Variants in THSD7A observed in about 807,000 individuals in gnomAD.
The protein encoded by THSD7A is thrombospondin type 1 domain containing 7A, also known as thrombospondin type-1 domain-containing protein 7A.
THSD7A carries 96 observed loss-of-function variants against 231.3 expected under a neutral mutation model. The observed-to-expected ratio is 0.41, with a 90% CI of 0.35 to 0.49. THSD7A has a LOEUF of 0.49. Among genes scored for constraint, THSD7A ranks in the 20% least tolerant of loss-of-function variants. THSD7A has a pLI of 0.05. For synonymous variants in THSD7A, 940 were observed against 743.3 expected (o/e 1.26, Z -4.30); for missense variants, 2,290 against 2,070.2 (o/e 1.11, Z -2.06).
intron 1 of THSD7A, among the ~76,000 whole-genome samples, chr7:11,685,563 C>T (rs1439974566): frequency 6.6e-6 from 1 of 151,690 alleles, no homozygotes; most frequent in African/African-American, 2.4e-5. Flanking sequence ...AGGCAAAAGC[C>T]ATAAATGGAC....
chr7:11,639,673 A>AT (rs1033088039), intron 1 of THSD7A, among the ~76,000 whole-genome samples: 5 of 152,038 alleles, frequency 3.3e-5, no homozygotes, highest in Admixed American at 1.3e-4. Context: ...GTCTCAAAAA[A>AT]AATAATAATA....
intron 2 of THSD7A, among the ~76,000 whole-genome samples, chr7:11,606,667 T>C (rs1246531163): frequency 1.3e-5 from 2 of 152,146 alleles, no homozygotes; most frequent in African/African-American, 2.4e-5. Context: ...TAATACTTTT[T>C]TATATTAATG....
At chr7:11,687,733 T>C (rs1780102690) in intron 1 of THSD7A, among the ~76,000 whole-genome samples, 1 of 151,906 alleles carries the variant, frequency 6.6e-6, no homozygotes, top group South Asian at 2.1e-4. Context: ...TATCCTATAG[T>C]TGGTCATGCA....
At chr7:11,826,667 C>A (rs2128188521) in intron 1 of THSD7A, among the ~76,000 whole-genome samples, 1 of 152,188 alleles carries the variant, frequency 6.6e-6, no homozygotes, top group Middle Eastern at 3.4e-3. Context: ...CAAAAATTAG[C>A]CGGGTATGGT....
At chr7:11,648,848 T>C (rs1218776558) in intron 1 of THSD7A, among the ~76,000 whole-genome samples, 1 of 152,000 alleles carries the variant, frequency 6.6e-6, no homozygotes, top group Non-Finnish European at 1.5e-5. Context: ...TGGGCCACTA[T>C]GATCTCAGTG....
intron 1 of THSD7A, chr7:11,821,264 A>C (rs1426048136): frequency 9.2e-7 from 1 of 1,086,630 alleles, no homozygotes; most frequent in Non-Finnish European, 1.4e-6. Flanking sequence ...GACTGAGCTG[A>C]CTGTATGTGC....
chr7:11,378,454 T>C (rs6962687), intron 26 of THSD7A, among the ~76,000 whole-genome samples: 45,689 of 152,182 alleles, frequency 0.3, 7,290 homozygotes, highest in Non-Finnish European at 0.36. Context: ...TTGCATTTAT[T>C]ACCAGATACA....
rs769307589 is a variant in THSD7A, at chr7:11,811,226, G to C, written c.190+20531C>G. Among the ~76,000 whole-genome samples the C allele has an allele frequency of 2.4e-4, 36 of 151,318 alleles. 1 individual carries two copies. On this transcript the variant is annotated intron_variant, in intron 1 of 27. Coordinates refer to ENST00000423059, the MANE Select transcript of THSD7A (RefSeq NM_015204.3). ...GCACATTAACCGACAGAATTATCAAGCACACACACACACACGAAACAATGC... is the reference window on the plus strand; with the variant it reads ...GCACATTAACCGACAGAATTATCAACCACACACACACACACGAAACAATGC...
At chr7:11,666,515 T>G (rs2128375751) in intron 1 of THSD7A, among the ~76,000 whole-genome samples, 1 of 152,160 alleles carries the variant, frequency 6.6e-6, no homozygotes, top group East Asian at 1.9e-4. Context: ...TGTTGTTAAC[T>G]TATGCTTGTT....
chr7:11,687,354 T>C (rs79549805), intron 1 of THSD7A, among the ~76,000 whole-genome samples: 2,971 of 152,082 alleles, frequency 0.02, 79 homozygotes, highest in African/African-American at 0.067. Context: ...GACTGTCCTA[T>C]GATAGAGATA....
chr7:11,558,194 C>G (rs1187659375), intron 4 of THSD7A, among the ~76,000 whole-genome samples: 1 of 152,056 alleles, frequency 6.6e-6, no homozygotes, highest in Non-Finnish European at 1.5e-5. Flanking sequence ...ACATATCTAG[C>G]TTATCTGCCT....
At chr7:11,500,732 C>G (rs1322933616) in intron 6 of THSD7A, among the ~76,000 whole-genome samples, 1 of 151,888 alleles carries the variant, frequency 6.6e-6, no homozygotes, top group African/African-American at 2.4e-5. Context: ...GAGGTAGGTT[C>G]AAGATCAGCC....
intron 1 of THSD7A, among the ~76,000 whole-genome samples, chr7:11,773,904 G>C (rs1783317688): frequency 6.6e-6 from 1 of 152,046 alleles, no homozygotes; most frequent in African/African-American, 2.4e-5. Flanking sequence ...TGAACAAATG[G>C]CATGAAGAGA....
rs1336776211 is a variant in THSD7A at position 11,634,796 on chromosome 7, A to T, written c.1022+1334T>A. Reference sequence around the variant, plus strand: ...AGTAGCAAAAATTCCAAAAAACAGTAACCAGAACTCTATGATGAGAGAAAG... The same window carrying T: ...AGTAGCAAAAATTCCAAAAAACAGTTACCAGAACTCTATGATGAGAGAAAG... On this transcript the variant is annotated intron_variant, in intron 2 of 27. Coordinates refer to ENST00000423059, the MANE Select transcript of THSD7A (RefSeq NM_015204.3). The surrounding 1 kb of genome is among the most constrained non-coding windows in gnomAD (Gnocchi z 4.1). Among the ~76,000 whole-genome samples the T allele has an allele frequency of 6.6e-6, 1 of 152,158 alleles. No homozygotes were observed. The highest frequency in any genetic ancestry group is 1.5e-5 in the Non-Finnish European group (1 of 68,022).
rs1780089838 is a variant in THSD7A at position 11,590,043 on chromosome 7, T to G, written c.1453+417A>C. Among the ~76,000 whole-genome samples, 1 of 152,234 alleles carries G rather than the reference T, an allele frequency of 6.6e-6. No individual in the cohort carries two copies. Among genetic ancestry groups the G allele is most frequent in the South Asian group, 2.1e-4 (1 of 4,834 alleles). On this transcript the variant is annotated intron_variant, in intron 4 of 27. Coordinates refer to ENST00000423059, the MANE Select transcript of THSD7A (RefSeq NM_015204.3). The surrounding 1 kb of genome is among the most constrained non-coding windows in gnomAD (Gnocchi z 4.4). ...ATTTTATTCAATATCATAATTAACT[T>G]ATTTTTAACCACATTTTATCCAAAT...
intron 1 of THSD7A, among the ~76,000 whole-genome samples, chr7:11,784,189 T>C (rs1345105796): frequency 6.6e-6 from 1 of 151,928 alleles, no homozygotes; most frequent in East Asian, 1.9e-4. Flanking sequence ...TGTATGTTTA[T>C]GCATATATAT....
chr7:11,414,085 C>G (rs1017710800), intron 17 of THSD7A: 1 of 152,232 alleles, frequency 6.6e-6, no homozygotes, highest in Non-Finnish European at 1.5e-5. Flanking sequence ...CTGCAATACC[C>G]TGGTCTTTAT....
chr7:11,641,777 TAAAA>T (rs1289276577), intron 1 of THSD7A, among the ~76,000 whole-genome samples: 1 of 141,166 alleles, frequency 7.1e-6, no homozygotes, highest in Non-Finnish European at 1.6e-5. Flanking sequence ...TATAATATAA[TAAAA>T]TAAATAAACC....
In THSD7A at chr7:11,447,225, C is replaced by G. The variant is rs780391722; in HGVS notation, c.2800+5G>C. ...TACTGGCTTTGGCATCCCAATTATT[C>G]TTACCAACAAGAGTGCGCTTTCTGG... On this transcript the variant is annotated splice_donor_5th_base_variant and intron_variant, in intron 12 of 27. Coordinates refer to ENST00000423059, the MANE Select transcript of THSD7A (RefSeq NM_015204.3). 3.3e-5 allele frequency: 54 copies of G among 1,612,604 alleles called. No homozygotes were observed. The highest frequency in any genetic ancestry group is 4.2e-5 in the Non-Finnish European group (49 of 1,179,246).
Sources: gnomAD v4.1 joint callset for allele counts (sites outside exome capture counted in the v4.1 genomes callset) on GRCh38, gnomAD v4.1.1 for gene constraint, Gnocchi (gnomAD v3.1) non-coding constraint, MANE v1.5 for transcripts, NCBI Gene and HGNC (gene_info 2026-07-23, HGNC 2026-07-21) for gene names.